Variants in ADCY9 observed in about 807,000 individuals in gnomAD.
The protein encoded by ADCY9 is adenylate cyclase type 9.
ADCY9 carries 50 observed loss-of-function variants against 101.5 expected under a neutral mutation model. That is an observed-to-expected ratio of 0.49 (90% confidence interval 0.39 to 0.62). The LOEUF (loss-of-function observed/expected upper bound fraction) is 0.62. Ranked by LOEUF, ADCY9 falls within the 20% of genes least tolerant of loss-of-function variation. ADCY9 has a pLI of 0.00. For missense variants in ADCY9, 1,662 were observed against 1,800.4 expected, an observed-to-expected ratio of 0.92 and a Z score of 1.39; for synonymous variants, 905 against 769.3, an observed-to-expected ratio of 1.18 and a Z score of -2.92.
intron 2 of ADCY9, among the ~76,000 whole-genome samples, chr16:4,085,719 C>A (rs185885198): frequency 4.6e-4 from 70 of 152,168 alleles, no homozygotes; most frequent in Non-Finnish European, 5.7e-4. Flanking sequence ...CTCAGTATCA[C>A]CTGGGAACTT....
chr16:4,071,235 C>T (rs1197911067), intron 2 of ADCY9, among the ~76,000 whole-genome samples: 6 of 140,902 alleles, frequency 4.3e-5, no homozygotes, highest in South Asian at 2.4e-4. Flanking sequence ...GAGGCTGAGG[C>T]GGGAGAATCA....
At chr16:3,995,890 A>C (rs775796846) in intron 3 of ADCY9, among the ~76,000 whole-genome samples, 10 of 152,230 alleles carry the variant, frequency 6.6e-5, no homozygotes, top group Non-Finnish European at 1.3e-4. Flanking sequence ...TATACATGCC[A>C]AAACAGCTAG....
chr16:3,968,939 G>A (rs2056023144), intron 10 of ADCY9, among the ~76,000 whole-genome samples: 1 of 152,046 alleles, frequency 6.6e-6, no homozygotes, highest in Non-Finnish European at 1.5e-5. Context: ...TCCGCCTCCT[G>A]GGTTCAAGCA....
chr16:4,019,840 G>A (rs993828784), intron 2 of ADCY9, among the ~76,000 whole-genome samples: 5 of 152,212 alleles, frequency 3.3e-5, no homozygotes, highest in Non-Finnish European at 7.3e-5. Context: ...CACTTTGGGA[G>A]GCCAAGGTGG....
At chr16:3,998,538 G>A (rs1458908990) in intron 3 of ADCY9, among the ~76,000 whole-genome samples, 3 of 151,496 alleles carry the variant, frequency 2.0e-5, no homozygotes, top group African/African-American at 7.3e-5. Context: ...GTGAAAGCCC[G>A]TCTCTACTAA....
At chr16:4,059,395 GAAAA>G (rs1169569443) in intron 2 of ADCY9, among the ~76,000 whole-genome samples, 1 of 122,288 alleles carries the variant, frequency 8.2e-6, no homozygotes, top group South Asian at 2.7e-4. Flanking sequence ...AAAAAAAAAA[GAAAA>G]AAAAAGAAAG....
chr16:3,984,476 G>A (rs1812325453), intron 6 of ADCY9, among the ~76,000 whole-genome samples: 1 of 152,146 alleles, frequency 6.6e-6, no homozygotes, highest in Non-Finnish European at 1.5e-5. Flanking sequence ...CAAGGCTCTG[G>A]GGAGGTGCGA....
chr16:4,041,506 CAAAAAAA>C (rs55669348), intron 2 of ADCY9, among the ~76,000 whole-genome samples: 53 of 94,622 alleles, frequency 5.6e-4, no homozygotes, highest in African/African-American at 2.1e-3. Context: ...GTATTAAAAC[CAAAAAAA>C]AAAAAAAAAA....
chr16:3,966,601 T>C lies in ADCY9; in HGVS notation c.3236A>G (p.Lys1079Arg), dbSNP rs1222332240. The C allele has an allele frequency of 6.2e-7, 1 of 1,614,076 alleles. No homozygotes were observed. The highest frequency in any genetic ancestry group is 8.5e-7 in the Non-Finnish European group (1 of 1,180,042). The change falls in exon 11 of 11, where the codon AAG becomes AGG. Residue 1079 changes from lysine (K) to arginine (R), a missense_variant. This residue lies in a region of ADCY9 where 220 missense variants were observed against 312.9 expected (regional missense o/e 0.70). Transcript: ENST00000294016. The stretch of plus-strand genomic sequence containing the variant: ...CTCGTTGAGGACCCGGTAGCACTCC[T>C]TGCCGCCCTCGTAGTTCTCCTCGTA... ...EFYEENYEGG[K>R]ECYRVLNELI...
At chr16:4,084,900 C>T (rs531036018) in intron 2 of ADCY9, among the ~76,000 whole-genome samples, 7 of 152,234 alleles carry the variant, frequency 4.6e-5, no homozygotes, top group Admixed American at 2.0e-4. Context: ...ATTTATGATA[C>T]TCATATCAAC....
rs1567155674 is a variant in ADCY9, at chr16:4,116,354, C to CCCGCCGCCGTGT, written c.-720_-709dup. The stretch of plus-strand genomic sequence containing the variant: ...AGCTAGAGATGCGGCCGCCGCCGCG[C>CCCGCCGCCGTGT]CCGCCGCCGTGTCCCCCGCGGCCGC... On this transcript the variant is annotated 5_prime_UTR_variant, in exon 1 of 11. Coordinates refer to ENST00000294016, the MANE Select transcript of ADCY9 (RefSeq NM_001116.4). Among the ~76,000 whole-genome samples the CCCGCCGCCGTGT allele has an allele frequency of 6.9e-6, 1 of 145,694 alleles. No individual in the cohort carries two copies. The highest frequency in any genetic ancestry group is 2.5e-5 in the African/African-American group (1 of 40,614).
chr16:4,081,647 G>A (rs2141179600), intron 2 of ADCY9, among the ~76,000 whole-genome samples: 1 of 152,142 alleles, frequency 6.6e-6, no homozygotes, highest in Non-Finnish European at 1.5e-5. Context: ...CTTTCATCCT[G>A]ACACCCACAT....
chr16:4,088,264 G>A (rs2056952309), intron 2 of ADCY9, among the ~76,000 whole-genome samples: 1 of 151,900 alleles, frequency 6.6e-6, no homozygotes, highest in Non-Finnish European at 1.5e-5. Flanking sequence ...ACACAGTTCT[G>A]AAGACTGATG....
chr16:4,067,669 TC>T (rs956755400), intron 2 of ADCY9, among the ~76,000 whole-genome samples: 1 of 151,976 alleles, frequency 6.6e-6, no homozygotes, highest in African/African-American at 2.4e-5. Context: ...CCAGAGAAGT[TC>T]CGAGATCAGC....
At chr16:3,998,638 GGT>G (rs1378128973) in intron 3 of ADCY9, among the ~76,000 whole-genome samples, 1 of 147,604 alleles carries the variant, frequency 6.8e-6, no homozygotes, top group Non-Finnish European at 1.5e-5. Context: ...GAACCCGGGA[GGT>G]GGAGGTTCCA....
chr16:4,002,298 C>G (rs1233804068), intron 3 of ADCY9, among the ~76,000 whole-genome samples: 1 of 152,168 alleles, frequency 6.6e-6, no homozygotes, highest in Non-Finnish European at 1.5e-5. Context: ...TGAAAAGCCC[C>G]TTACTTCCTC....
At chr16:4,041,783 A>T (rs2056628529) in intron 2 of ADCY9, among the ~76,000 whole-genome samples, 1 of 147,458 alleles carries the variant, frequency 6.8e-6, no homozygotes, top group African/African-American at 2.5e-5. Flanking sequence ...ACAAGGTTTC[A>T]CCGTGTTGCC....
intron 2 of ADCY9, among the ~76,000 whole-genome samples, chr16:4,045,917 C>T (rs1401874318): frequency 1.4e-5 from 2 of 141,634 alleles, no homozygotes; most frequent in Non-Finnish European, 3.0e-5. Flanking sequence ...ATCATGTTGC[C>T]CAGGCTGGTC....
At position 3,977,630 on chromosome 16, in the gene ADCY9, A is replaced by T. The variant is rs1251094400; in HGVS notation, c.2680T>A (p.Phe894Ile). The change falls in exon 9 of 11, where the codon TTC becomes ATC. Residue 894 changes from phenylalanine to isoleucine, a missense_variant and splice_region_variant. By Grantham distance (21) the Phe-to-Ile change is conservative (BLOSUM62 0). This residue lies in a region of ADCY9 where 624 missense variants were observed against 639.1 expected (regional missense o/e 0.98). Transcript: ENST00000294016. Reference protein sequence around the residue: ...VTSEYETNIHFPVFTGSAALI... With the variant: ...VTSEYETNIHIPVFTGSAALI... Reference sequence around the variant, plus strand: ...GCGGCCGAGCCTGTGAACACTGGGAACTGCAAGAGGCGAAGGGTTAGGACA... The same window carrying T: ...GCGGCCGAGCCTGTGAACACTGGGATCTGCAAGAGGCGAAGGGTTAGGACA... The T allele has an allele frequency of 5.0e-6, 8 of 1,612,804 alleles. No individual in the cohort carries two copies. The highest frequency in any genetic ancestry group is 5.9e-6 in the Non-Finnish European group (7 of 1,179,800).
Sources: gnomAD v4.1 joint callset for allele counts (sites outside exome capture counted in the v4.1 genomes callset) on GRCh38, gnomAD v4.1.1 for gene constraint, gnomAD v4.1.1 regional missense constraint, MANE v1.5 for transcripts, NCBI Gene and HGNC (gene_info 2026-07-23, HGNC 2026-07-21) for gene names.